The following SCARA3 variants were observed in gnomAD, a reference collection of about 807,000 sequenced individuals.
The protein encoded by SCARA3 is cellular stress response gene protein.
Under a neutral mutation model 47.0 loss-of-function variants are expected in SCARA3, and 39 were observed. That is an observed-to-expected ratio of 0.83 (90% CI 0.64 to 1.08). The LOEUF (loss-of-function observed/expected upper bound fraction) is 1.08. Ranked by LOEUF, SCARA3 falls within the 50% of genes least tolerant of loss-of-function variation. The probability of loss-of-function intolerance (pLI) is 0.00; values close to 1 mark genes in which losing one functional copy is unlikely to be tolerated. For missense variants in SCARA3, 724 were observed against 792.3 expected (o/e 0.91, Z 1.04); for synonymous variants, 356 against 334.1 (o/e 1.07, Z -0.71).
chr8:27,722,363 T>A, the SCARA3 span, among the ~76,000 whole-genome samples: 1 of 152,118 alleles, frequency 6.6e-6, no homozygotes, highest in Non-Finnish European at 1.5e-5. Flanking sequence ...ACAGGCAGCC[T>A]TGCCCACAGA....
downstream of SCARA3, among the ~76,000 whole-genome samples, chr8:27,681,171 CTT>C (rs966445123): frequency 6.6e-6 from 1 of 152,018 alleles, no homozygotes; most frequent in Admixed American, 6.5e-5. Context: ...GTAAAGATAA[CTT>C]ATAAAAAATG....
At chr8:27,717,601 A>G in the SCARA3 span, among the ~76,000 whole-genome samples, 4 of 152,130 alleles carry the variant, frequency 2.6e-5, no homozygotes, top group African/African-American at 7.2e-5. Context: ...ACTGGCCAAC[A>G]TGGCTTAACT....
At chr8:27,634,234 C>A in intron 1 of SCARA3, 27 bp downstream of exon 1, 1 of 1,339,600 alleles carries the variant, frequency 7.5e-7, no homozygotes, top group East Asian at 2.8e-5. Flanking sequence ...GGGGGCAGCT[C>A]CGAGGGGGGC....
chr8:27,634,726 C>T (rs768533389), intron 1 of SCARA3, among the ~76,000 whole-genome samples: 3 of 152,190 alleles, frequency 2.0e-5, no homozygotes, highest in African/African-American at 7.2e-5. Context: ...CTGAACCCTG[C>T]CTGACCCACC....
At chr8:27,715,888 A>G in the SCARA3 span, among the ~76,000 whole-genome samples, 1 of 152,214 alleles carries the variant, frequency 6.6e-6, no homozygotes, top group Non-Finnish European at 1.5e-5. This position sits in a 1 kb window ranked among gnomAD's most constrained non-coding sequence, Gnocchi z 4.2. Context: ...ATAGAAAGAA[A>G]CATAGACACA....
the SCARA3 span, among the ~76,000 whole-genome samples, chr8:27,718,208 G>A: frequency 6.6e-6 from 1 of 152,348 alleles, no homozygotes; most frequent in East Asian, 1.9e-4. Flanking sequence ...GCCCAGGCCA[G>A]AGAATTGCCC....
chr8:27,639,916 G>A (rs2128914870), intron 1 of SCARA3, among the ~76,000 whole-genome samples: 1 of 152,250 alleles, frequency 6.6e-6, no homozygotes, highest in Admixed American at 6.5e-5. Flanking sequence ...GGTTGCAAGG[G>A]CCAGAGGGGC....
At chr8:27,681,410 T>A (rs1260937221), downstream of SCARA3, among the ~76,000 whole-genome samples, 4 of 152,178 alleles carry the variant, frequency 2.6e-5, no homozygotes, top group African/African-American at 4.8e-5. Flanking sequence ...GGTAACAAAT[T>A]TGACAAAATT....
the SCARA3 span, chr8:27,733,366 C>G: frequency 1.1e-4 from 16 of 152,220 alleles, no homozygotes; most frequent in Non-Finnish European, 1.6e-4. Flanking sequence ...ATCATTCATT[C>G]AGGACATGCT....
chr8:27,715,804 G>T, the SCARA3 span, among the ~76,000 whole-genome samples: 1 of 149,408 alleles, frequency 6.7e-6, no homozygotes, highest in African/African-American at 2.5e-5. This position sits in a 1 kb window ranked among gnomAD's most constrained non-coding sequence, Gnocchi z 4.2. Flanking sequence ...ATAGATGACA[G>T]ATATAGATAG....
At chr8:27,715,861 GATAC>G in the SCARA3 span, among the ~76,000 whole-genome samples, 1,052 of 43,108 alleles carry the variant, frequency 0.024, 2 homozygotes, top group Middle Eastern at 0.18. This position sits in a 1 kb window ranked among gnomAD's most constrained non-coding sequence, Gnocchi z 4.2. Flanking sequence ...TAGATAGATA[GATAC>G]ATAGATAGAT....
At chr8:27,692,937 C>T in the SCARA3 span, among the ~76,000 whole-genome samples, 3 of 152,126 alleles carry the variant, frequency 2.0e-5, no homozygotes, top group African/African-American at 2.4e-5. Context: ...CCAGCTCAGG[C>T]AACATGGCAA....
the SCARA3 span, among the ~76,000 whole-genome samples, chr8:27,729,028 G>A: frequency 6.6e-6 from 1 of 152,136 alleles, no homozygotes; most frequent in African/African-American, 2.4e-5. Context: ...TTGCACCGTT[G>A]CACTCCAGCC....
chr8:27,635,404 T>C (rs1801229392), intron 1 of SCARA3, among the ~76,000 whole-genome samples: 1 of 152,198 alleles, frequency 6.6e-6, no homozygotes, highest in Non-Finnish European at 1.5e-5. Flanking sequence ...CCACACTTGG[T>C]TTAATGCTCT....
At chr8:27,681,678 T>C (rs1457266583), downstream of SCARA3, among the ~76,000 whole-genome samples, 3 of 152,104 alleles carry the variant, frequency 2.0e-5, no homozygotes, top group Non-Finnish European at 4.4e-5. Flanking sequence ...GCCAAAATCA[T>C]GCCACTTCAC....
chr8:27,645,525 G>A (rs1284922831), intron 1 of SCARA3, among the ~76,000 whole-genome samples: 8 of 152,244 alleles, frequency 5.3e-5, no homozygotes, highest in Admixed American at 2.0e-4. Flanking sequence ...ACTCAAATGC[G>A]TGTTTGGATT....
At chr8:27,647,985 C>T (rs1801543685) in intron 1 of SCARA3, among the ~76,000 whole-genome samples, 1 of 152,228 alleles carries the variant, frequency 6.6e-6, no homozygotes, top group South Asian at 2.1e-4. Context: ...GCCCATCAAT[C>T]ATGGTCAGGA....
chr8:27,702,137 C>A, the SCARA3 span: 1 of 152,190 alleles, frequency 6.6e-6, no homozygotes, highest in Non-Finnish European at 1.5e-5. Context: ...GCCCCAGACA[C>A]CAGGCTCGCT....
At chr8:27,677,128 T>A (rs1488122986), downstream of SCARA3, among the ~76,000 whole-genome samples, 1 of 152,216 alleles carries the variant, frequency 6.6e-6, no homozygotes. Flanking sequence ...CCTTCACTCA[T>A]TCAACAAATA....
Sources: gnomAD v4.1 joint callset for allele counts (sites outside exome capture counted in the v4.1 genomes callset) on GRCh38, gnomAD v4.1.1 for gene constraint, Gnocchi (gnomAD v3.1) non-coding constraint, MANE v1.5 for transcripts, NCBI Gene and HGNC (gene_info 2026-07-23, HGNC 2026-07-21) for gene names.